PRKCH: variants seen among roughly 807,000 people sequenced by gnomAD.
The protein encoded by PRKCH is protein kinase C eta type.
A neutral mutation model predicts 82.5 loss-of-function variants in PRKCH; 28 were observed. That is an observed-to-expected ratio of 0.34 (90% CI 0.25 to 0.47). The LOEUF is 0.47. Among genes scored for constraint, PRKCH ranks in the 20% least tolerant of loss-of-function variants. The pLI is 1.00. For synonymous variants in PRKCH, 322 were observed against 327.4 expected (o/e 0.98, Z 0.18); for missense variants, 705 against 881.8 (o/e 0.80, Z 2.54).
At chr14:61,246,634 G>A (rs1282445655) in intron 1 of PRKCH, among the ~76,000 whole-genome samples, 1 of 151,950 alleles carries the variant, frequency 6.6e-6, no homozygotes, top group Non-Finnish European at 1.5e-5. Flanking sequence ...ATAGTGTCAA[G>A]TCCAGACCCC....
intron 9 of PRKCH, among the ~76,000 whole-genome samples, chr14:61,481,865 G>A (rs962044989): frequency 1.4e-4 from 21 of 152,006 alleles, no homozygotes; most frequent in African/African-American, 5.1e-4. Flanking sequence ...TTCAGCAGCA[G>A]CTATCACTTA....
At chr14:61,504,196 GT>G (rs60311906) in intron 10 of PRKCH, among the ~76,000 whole-genome samples, 129,525 of 151,258 alleles carry the variant, frequency 0.86, 55,485 homozygotes, top group Middle Eastern at 0.9. Flanking sequence ...TGTTTATTGG[GT>G]TTTTTTTTCT....
chr14:61,189,605 C>G (rs571096137), intron 1 of PRKCH, among the ~76,000 whole-genome samples: 2 of 151,938 alleles, frequency 1.3e-5, no homozygotes, highest in Admixed American at 6.6e-5. Flanking sequence ...TCCCTCCTTC[C>G]CTTCCCTTCC....
intron 1 of PRKCH, among the ~76,000 whole-genome samples, chr14:61,386,017 C>T (rs1008109167): frequency 6.6e-6 from 1 of 152,170 alleles, no homozygotes; most frequent in Non-Finnish European, 1.5e-5. Context: ...ATCACATACC[C>T]CAAATCACTA....
Position 61,321,893 on chromosome 14 carries a change from C to T in PRKCH, c.-209C>T. The T allele has an allele frequency of 1.9e-6, 1 of 517,780 alleles. No homozygotes were observed. Among genetic ancestry groups the T allele is most frequent in the South Asian group, 2.6e-5 (1 of 38,164 alleles). 32.1% of individuals were successfully genotyped at this position (517,780 alleles called of 1,614,324 possible). A position where few individuals can be genotyped will look rare whatever the true frequency, so the allele number is the denominator to read the frequency against. On this transcript the variant is annotated 5_prime_UTR_variant, in exon 1 of 14. Coordinates refer to ENST00000332981, the MANE Select transcript of PRKCH (RefSeq NM_006255.5). This position sits in a 1 kb window ranked among gnomAD's most constrained non-coding sequence, Gnocchi z 4.1. ...GCTGAGGGCTCGGCGGCGGGCTCCC[C>T]TCCTTTCCACCTCGGGAGGGAGGGA...
rs9323369 is a variant in PRKCH at position 61,263,791 on chromosome 14, A to G, written c.-19+76123A>G. ...ATAACTTCAAGGGTCAAGTCCTCTA[A>G]AATTTAGAATATACGAGCAGGTAAT... On this transcript the variant is annotated intron_variant, in intron 1 of 3. Coordinates refer to the PRKCH transcript ENST00000555185. Among the ~76,000 whole-genome samples the G allele has an allele frequency of 7.9e-3, 1,208 of 152,086 alleles. 47 individuals are homozygous for G. The East Asian group carries it at 0.12, about 15-fold the overall frequency.
At chr14:61,479,513 T>C (rs969422842) in intron 9 of PRKCH, among the ~76,000 whole-genome samples, 2 of 152,162 alleles carry the variant, frequency 1.3e-5, no homozygotes, top group African/African-American at 4.8e-5. Flanking sequence ...TGGTCCATGC[T>C]CGCTCTCCAG....
chr14:61,287,198 C>G (rs1224023690), intron 1 of PRKCH, among the ~76,000 whole-genome samples: 1 of 113,018 alleles, frequency 8.8e-6, no homozygotes, highest in East Asian at 2.9e-4. Context: ...GTGCAAGACT[C>G]CGTCTTAAAA....
chr14:61,250,238 A>AAAATAAATAAATAAATAAAT (rs371406494), intron 1 of PRKCH, among the ~76,000 whole-genome samples: 3 of 139,172 alleles, frequency 2.2e-5, no homozygotes, highest in Non-Finnish European at 3.1e-5. Context: ...CTCAGTCTCA[A>AAAATAAATAAATAAATAAAT]AAATAAATAA....
rs150414015 is a variant in PRKCH at position 61,374,340 on chromosome 14, C to A, written c.364-16885C>A. On this transcript the variant is annotated intron_variant, in intron 1 of 13. Transcript: ENST00000332981. ...AGATGCAAGCTGTCAGTGGATCTAC[C>A]ATTCTGGGGTCTGGAGGACAATGTC... is the stretch of plus-strand genomic sequence containing the variant. Among the ~76,000 whole-genome samples the A allele has an allele frequency of 5.1e-3, 773 of 152,230 alleles. 6 individuals are homozygous for A. Among genetic ancestry groups the A allele is most frequent in the Middle Eastern group, 0.014 (4 of 294 alleles).
intron 10 of PRKCH, among the ~76,000 whole-genome samples, chr14:61,508,352 G>A (rs1213082305): frequency 6.6e-6 from 1 of 152,112 alleles, no homozygotes; most frequent in Admixed American, 6.5e-5. Flanking sequence ...ACAGATCATA[G>A]AATCAAAGTG....
chr14:61,364,191 A>G (rs931695580), intron 1 of PRKCH, among the ~76,000 whole-genome samples: 1 of 151,688 alleles, frequency 6.6e-6, no homozygotes. Flanking sequence ...CTTTTAGGAG[A>G]TTTATAGCTG....
intron 1 of PRKCH, among the ~76,000 whole-genome samples, chr14:61,248,673 AC>A (rs2044908689): frequency 6.6e-6 from 1 of 152,168 alleles, no homozygotes; most frequent in South Asian, 2.1e-4. Context: ...CTCCTGCCTC[AC>A]CACTGCAATG....
intron 1 of PRKCH, among the ~76,000 whole-genome samples, chr14:61,376,124 A>G (rs1230017602): frequency 6.6e-6 from 1 of 150,766 alleles, no homozygotes; most frequent in Admixed American, 6.6e-5. Context: ...AACCTAATTC[A>G]GTCTCCAGAT....
intron 9 of PRKCH, among the ~76,000 whole-genome samples, chr14:61,462,521 A>G (rs889240677): frequency 6.6e-6 from 1 of 152,222 alleles, no homozygotes; most frequent in African/African-American, 2.4e-5. Flanking sequence ...TACACATAGC[A>G]TTTGCTCGCT....
At chr14:61,250,986 T>C (rs1468032841) in intron 1 of PRKCH, among the ~76,000 whole-genome samples, 1 of 152,250 alleles carries the variant, frequency 6.6e-6, no homozygotes, top group Non-Finnish European at 1.5e-5. Context: ...TTGATTTAAA[T>C]ATCAGTGTTC....
intron 1 of PRKCH, among the ~76,000 whole-genome samples, chr14:61,376,218 C>T (rs534166775): frequency 5.9e-5 from 9 of 152,032 alleles, no homozygotes; most frequent in South Asian, 2.1e-4. Context: ...GGGTAGCCAG[C>T]GTGCCTTTCC....
At chr14:61,503,165 G>A (rs1886994526) in intron 10 of PRKCH, among the ~76,000 whole-genome samples, 1 of 152,034 alleles carries the variant, frequency 6.6e-6, no homozygotes, top group South Asian at 2.1e-4. Context: ...GCACCAAGGA[G>A]CAGGGTAGAT....
At chr14:61,256,877 T>G (rs1437580500) in intron 1 of PRKCH, among the ~76,000 whole-genome samples, 1 of 152,208 alleles carries the variant, frequency 6.6e-6, no homozygotes, top group East Asian at 1.9e-4. Context: ...AGAGAAAACC[T>G]GGTTTTGGTC....
Sources: gnomAD v4.1 joint callset for allele counts (sites outside exome capture counted in the v4.1 genomes callset) on GRCh38, gnomAD v4.1.1 for gene constraint, Gnocchi (gnomAD v3.1) non-coding constraint, MANE v1.5 for transcripts, NCBI Gene and HGNC (gene_info 2026-07-23, HGNC 2026-07-21) for gene names.